The following GALNT8 variants were observed in gnomAD, a reference collection of about 807,000 sequenced individuals.
The protein encoded by GALNT8 is polypeptide N-acetylgalactosaminyltransferase 8, also known as probable polypeptide N-acetylgalactosaminyltransferase 8.
Under a neutral mutation model 62.7 loss-of-function variants are expected in GALNT8, and 66 were observed. That is an observed-to-expected ratio of 1.05 (90% CI 0.86 to 1.29). The LOEUF (loss-of-function observed/expected upper bound fraction) is 1.29. GALNT8 is among the 50% of genes most tolerant of loss of function. The pLI, the probability that GALNT8 is intolerant of heterozygous loss-of-function variation, is 0.00. For synonymous variants in GALNT8, 288 were observed against 294.3 expected (o/e 0.98, Z 0.22); for missense variants, 771 against 791.8 (o/e 0.97, Z 0.32).
intron 2 of GALNT8, among the ~76,000 whole-genome samples, chr12:4,728,373 T>G (rs1946205743): frequency 6.6e-6 from 1 of 152,192 alleles, no homozygotes; most frequent in South Asian, 2.1e-4. Context: ...ATCTTAATGA[T>G]GTCCAATTTA....
chr12:4,729,861 A>G (rs1196095488), intron 2 of GALNT8, among the ~76,000 whole-genome samples: 3 of 152,002 alleles, frequency 2.0e-5, no homozygotes, highest in East Asian at 1.9e-4. Context: ...CAATGGTTCT[A>G]TTTTTTCCAC....
chr12:4,754,178 A>T (rs141110156), intron 6 of GALNT8, among the ~76,000 whole-genome samples: 390 of 152,056 alleles, frequency 2.6e-3, no homozygotes, highest in Non-Finnish European at 4.3e-3. Flanking sequence ...GGCCTGCTGT[A>T]ACCACTCACT....
At chr12:4,739,527 C>A (rs1946261601) in intron 3 of GALNT8, among the ~76,000 whole-genome samples, 198 bp downstream of exon 3, 1 of 152,114 alleles carries the variant, frequency 6.6e-6, no homozygotes, top group Non-Finnish European at 1.5e-5. Context: ...ATTATCTCTA[C>A]ATGGATGAGG....
intron 10 of GALNT8, among the ~76,000 whole-genome samples, chr12:4,768,900 A>C (rs1407830892): frequency 1.3e-5 from 2 of 150,542 alleles, no homozygotes; most frequent in Non-Finnish European, 2.9e-5. Flanking sequence ...AAATTTTCCA[A>C]AATTGAGAGG....
intron 10 of GALNT8, among the ~76,000 whole-genome samples, chr12:4,769,273 C>T (rs1427342039): frequency 6.6e-6 from 1 of 152,144 alleles, no homozygotes; most frequent in Non-Finnish European, 1.5e-5. Flanking sequence ...GGAGTGCTCC[C>T]ACACACCACT....
At chr12:4,739,124 TA>T (rs770787854) in intron 2 of GALNT8, 38 bp from the exon 3 acceptor site, 692 of 1,317,738 alleles carry the variant, frequency 5.3e-4, no homozygotes, top group South Asian at 6.5e-4. Context: ...TTGAAGTAAT[TA>T]AAAAAAAATA....
In GALNT8 at chr12:4,726,432, G is replaced by A. The variant is rs1946195709; in HGVS notation, c.212-100G>A. ...GAGCTTATAAGTTTTAAGATGTAGTGGGTAAACCGTTAGAGGAAATTAGGA... is the reference window on the plus strand; with the variant it reads ...GAGCTTATAAGTTTTAAGATGTAGTAGGTAAACCGTTAGAGGAAATTAGGA... On this transcript the variant is annotated intron_variant, in intron 1 of 10. Transcript: ENST00000252318. The surrounding 1 kb of genome is among the most constrained non-coding windows in gnomAD (Gnocchi z 4.1). The A allele has an allele frequency of 8.9e-6, 7 of 786,472 alleles. 1 individual carries two copies. The highest frequency in any genetic ancestry group is 7.2e-5 in the South Asian group (4 of 55,782). 48.7% of individuals were successfully genotyped at this position (786,472 alleles called of 1,614,324 possible). A position where few individuals can be genotyped will look rare whatever the true frequency, so the allele number is the denominator to read the frequency against.
chr12:4,721,527 A>G (rs1263855439), intron 1 of GALNT8, among the ~76,000 whole-genome samples: 1 of 152,176 alleles, frequency 6.6e-6, no homozygotes, highest in Non-Finnish European at 1.5e-5. Context: ...AAGGTAAAGA[A>G]TTAAGTGCTG....
At position 4,765,463 on chromosome 12, in the gene GALNT8, C is replaced by T. The variant is rs368641438; in HGVS notation, c.1678C>T (p.Pro560Ser). Residue 560 changes from proline (P) to serine (S), a missense_variant, in exon 10 of 11, where the codon CCT becomes TCT. Physicochemically the swap from Pro to Ser is moderately conservative, Grantham distance 74 (BLOSUM62 -1). Transcript: ENST00000252318. ...ASASDRCLTD[P>S]GKAEKPTLEP... The stretch of plus-strand genomic sequence containing the variant: ...TGCTAGTGATCGCTGCCTGACAGAC[C>T]CTGGCAAGGCGGAGAAGCCCACCTT... 8.7e-6 allele frequency: 14 copies of T among 1,612,304 alleles called. No homozygotes were observed. In the Admixed American group the frequency reaches 1.5e-4, roughly 17 times the overall value.
intron 10 of GALNT8, among the ~76,000 whole-genome samples, chr12:4,769,405 A>G (rs1220151280): frequency 6.6e-6 from 1 of 152,208 alleles, no homozygotes; most frequent in Non-Finnish European, 1.5e-5. Flanking sequence ...TTTTAGGACA[A>G]TATCTTTACT....
At chr12:4,740,255 CT>C (rs537436948) in intron 3 of GALNT8, among the ~76,000 whole-genome samples, 30 of 152,206 alleles carry the variant, frequency 2.0e-4, no homozygotes, top group African/African-American at 7.2e-4. Context: ...CCGGCTTCTC[CT>C]TTGTAAGTGT....
chr12:4,726,647 AAAG>A lies in GALNT8; in HGVS notation c.331_333del (p.Lys111del), dbSNP rs1297490656. The A allele has an allele frequency of 6.2e-7, 1 of 1,613,740 alleles. No individual in the cohort carries two copies. Among genetic ancestry groups the A allele is most frequent in the Non-Finnish European group, 8.5e-7 (1 of 1,179,932 alleles). ...CAATGGAAACCAAGGTGAATGAGAC[AAAG>A]AAGCACAAAACCCAAATGAAACTCT... On this transcript the variant is annotated inframe_deletion, in exon 2 of 11. Coordinates refer to ENST00000252318, the MANE Select transcript of GALNT8 (RefSeq NM_017417.2). The surrounding 1 kb of genome is among the most constrained non-coding windows in gnomAD (Gnocchi z 4.1).
rs778993059 is a variant in GALNT8, at chr12:4,772,437, C to A, written c.1762-8C>A. 2 of 1,612,160 alleles carry A rather than the reference C, an allele frequency of 1.2e-6. No homozygotes were observed. Among genetic ancestry groups the A allele is most frequent in the Admixed American group, 3.3e-5 (2 of 60,006 alleles). On this transcript the variant is annotated splice_region_variant and splice_polypyrimidine_tract_variant and intron_variant, in intron 10 of 10. Coordinates refer to ENST00000252318, the MANE Select transcript of GALNT8 (RefSeq NM_017417.2). ...CAGCACCTTGGCTCTGTCTCTCTTC[C>A]CCTCCAGGGAGGAGCTGTCATAAAC...
intron 10 of GALNT8, 106 bp from the exon 11 acceptor site, chr12:4,772,339 G>A (rs1591577559): frequency 1.1e-6 from 1 of 942,626 alleles, no homozygotes; most frequent in East Asian, 2.4e-5. Context: ...AGCACTGAGG[G>A]GTCCCTCAAG....
In GALNT8 at chr12:4,745,458, A is replaced by AG. The variant is rs1946293539; in HGVS notation, c.892dup (p.Asp298GlyfsTer11). On this transcript the variant is annotated frameshift_variant, in exon 5 of 11. Coordinates refer to ENST00000252318, the MANE Select transcript of GALNT8 (RefSeq NM_017417.2). LOFTEE classifies it high-confidence loss of function. ...GAGCCAATCTTGGCTCGGATTCAGG[A>AG]GGACCGCACTGTGATTGTGTCTCCT... 1 of 1,612,920 alleles carries AG rather than the reference A, an allele frequency of 6.2e-7. No homozygotes were observed.
chr12:4,723,729 C>T (rs576053386), intron 1 of GALNT8, among the ~76,000 whole-genome samples: 2 of 150,684 alleles, frequency 1.3e-5, no homozygotes, highest in Admixed American at 1.3e-4. Context: ...TCTTCTGGGC[C>T]CTGTTTCTAG....
chr12:4,770,408 TGG>T (rs1946418478), intron 10 of GALNT8, among the ~76,000 whole-genome samples: 1 of 151,936 alleles, frequency 6.6e-6, no homozygotes, highest in Admixed American at 6.6e-5. Context: ...AGAGGATGTG[TGG>T]AACACTGTCA....
intron 10 of GALNT8, among the ~76,000 whole-genome samples, chr12:4,766,350 G>C (rs759263570): frequency 6.6e-6 from 1 of 152,202 alleles, no homozygotes; most frequent in Non-Finnish European, 1.5e-5. Context: ...AAATGATGGA[G>C]ATGATAATAT....
At chr12:4,765,284 T>C in intron 9 of GALNT8, 95 bp from the exon 10 acceptor site, 1 of 1,235,704 alleles carries the variant, frequency 8.1e-7, no homozygotes, top group Non-Finnish European at 1.1e-6. Flanking sequence ...GGCCCCAAGA[T>C]CATTCTTCCT....
Sources: gnomAD v4.1 joint callset for allele counts (sites outside exome capture counted in the v4.1 genomes callset) on GRCh38, gnomAD v4.1.1 for gene constraint, Gnocchi (gnomAD v3.1) non-coding constraint, MANE v1.5 for transcripts, NCBI Gene and HGNC (gene_info 2026-07-23, HGNC 2026-07-21) for gene names.